Variants in PCLO observed in about 807,000 individuals in gnomAD.
The protein encoded by PCLO is protein piccolo.
A neutral mutation model predicts 427.5 loss-of-function variants in PCLO; 82 were observed. That is an observed-to-expected ratio of 0.19 (90% CI 0.16 to 0.23). The LOEUF (loss-of-function observed/expected upper bound fraction) is 0.23, where lower values mean the gene tolerates loss of function less well. Ranked by LOEUF, PCLO falls within the 10% of genes least tolerant of loss-of-function variation. The pLI is 1.00. For missense variants in PCLO, 6,239 were observed against 6,115.9 expected (o/e 1.02, Z -0.67); for synonymous variants, 2,357 against 2,155.4 (o/e 1.09, Z -2.59).
intron 10 of PCLO, among the ~76,000 whole-genome samples, chr7:82,853,541 A>G (rs1447177248): frequency 2.0e-5 from 3 of 151,738 alleles, no homozygotes; most frequent in Non-Finnish European, 4.4e-5. Context: ...ATTTTTTTAA[A>G]CCCAATAACT....
chr7:82,908,967 C>G lies in PCLO; in HGVS notation c.13347G>C (p.Arg4449Ser). ...CATGTCCATTTTCCAAACGAGACTC[C>G]CTGGGTTTATCAAACCAATCTGTTT... ...REETDWFDKP[R>S]ESRLENGHGL... The change falls in exon 8 of 25, where the codon AGG becomes AGC. Residue 4449 changes from arginine to serine, a missense_variant. Transcript: ENST00000333891. 1 of 1,612,792 alleles carries G rather than the reference C, an allele frequency of 6.2e-7. No individual in the cohort carries two copies.
intron 3 of PCLO, among the ~76,000 whole-genome samples, chr7:83,039,651 T>G (rs1464991233): frequency 1.3e-5 from 2 of 152,142 alleles, no homozygotes; most frequent in African/African-American, 4.8e-5. Flanking sequence ...AATTTTGTTC[T>G]TTGTCAAGCT....
intron 15 of PCLO, among the ~76,000 whole-genome samples, chr7:82,836,804 A>G (rs1164174343): frequency 1.3e-5 from 2 of 152,192 alleles, no homozygotes; most frequent in African/African-American, 4.8e-5. Context: ...TGATATAAAT[A>G]CTAAGCAGCA....
At chr7:83,146,209 T>C (rs1562990260) in intron 2 of PCLO, among the ~76,000 whole-genome samples, 1 of 152,180 alleles carries the variant, frequency 6.6e-6, no homozygotes, top group Non-Finnish European at 1.5e-5. Context: ...GTTGCTTCCT[T>C]ATCAAAGGTA....
chr7:82,909,701 G>T (rs1338492943), intron 7 of PCLO, among the ~76,000 whole-genome samples: 2 of 152,006 alleles, frequency 1.3e-5, no homozygotes, highest in African/African-American at 4.8e-5. Context: ...GTTTCTAAGA[G>T]AATTCTTGTG....
intron 10 of PCLO, among the ~76,000 whole-genome samples, chr7:82,873,649 G>A (rs1218049045): frequency 6.6e-6 from 1 of 152,136 alleles, no homozygotes. Context: ...GCTATTTTGA[G>A]TTGAGATTTT....
chr7:82,878,678 A>G (rs1045933112), intron 10 of PCLO, among the ~76,000 whole-genome samples: 3 of 152,176 alleles, frequency 2.0e-5, no homozygotes, highest in African/African-American at 7.2e-5. Context: ...TCATTACTTT[A>G]AAACACTTTT....
At chr7:82,962,292 A>G (rs1379034304) in intron 4 of PCLO, among the ~76,000 whole-genome samples, 5 of 152,074 alleles carry the variant, frequency 3.3e-5, no homozygotes, top group Admixed American at 1.3e-4. Flanking sequence ...CTTCTTTTGA[A>G]TTTTCTTTCT....
intron 3 of PCLO, among the ~76,000 whole-genome samples, chr7:83,090,013 C>T (rs568081682): frequency 3.3e-5 from 5 of 152,084 alleles, no homozygotes; most frequent in South Asian, 2.1e-4. Context: ...CTAATGAAGC[C>T]GTAGGTACTG....
At chr7:82,963,582 C>G (rs1326257945) in intron 4 of PCLO, among the ~76,000 whole-genome samples, 3 of 151,950 alleles carry the variant, frequency 2.0e-5, no homozygotes, top group Admixed American at 1.3e-4. Context: ...ATCCAAGCAT[C>G]AAAATAAGCT....
intron 6 of PCLO, among the ~76,000 whole-genome samples, chr7:82,927,796 C>T (rs1462728681): frequency 6.6e-6 from 1 of 152,076 alleles, no homozygotes; most frequent in Non-Finnish European, 1.5e-5. Flanking sequence ...TATATATTTT[C>T]AACATATTCA....
chr7:83,037,989 TTATATATATATATATATATATATA>T lies in PCLO; in HGVS notation c.3301-71526_3301-71503del, dbSNP rs1161030427. 6.5e-3 allele frequency among the ~76,000 whole-genome samples: 88 copies of T among 13,596 alleles called. 10 individuals are homozygous for T. Among genetic ancestry groups the T allele is most frequent in the African/African-American group, 0.022 (83 of 3,698 alleles). 8.9% of individuals were successfully genotyped at this position (13,596 alleles called of 152,430 possible). A position where few individuals can be genotyped will look rare whatever the true frequency, so the allele number is the denominator to read the frequency against. On this transcript the variant is annotated intron_variant, in intron 3 of 24. Coordinates refer to ENST00000333891, the MANE Select transcript of PCLO (RefSeq NM_033026.6). The stretch of plus-strand genomic sequence containing the variant: ...GTTGTGTGGAGGTGTAAGGAGGAGC[TTATATATATATATATATATATATA>T]TATATATATATATATATTTATATAT...
At chr7:82,945,224 C>G (rs898110813) in intron 6 of PCLO, among the ~76,000 whole-genome samples, 28 of 151,952 alleles carry the variant, frequency 1.8e-4, no homozygotes, top group African/African-American at 6.3e-4. Context: ...AGTAAGTAGG[C>G]TGCAAGATAA....
chr7:82,758,451 T>C lies in PCLO; in HGVS notation c.*124A>G, dbSNP rs1790362284. 4.4e-6 allele frequency: 3 copies of C among 687,642 alleles called. No homozygotes were observed. In the East Asian group the frequency reaches 8.1e-5, roughly 19 times the overall value. 42.6% of individuals were successfully genotyped at this position (687,642 alleles called of 1,614,324 possible). On this transcript the variant is annotated 3_prime_UTR_variant, in exon 25 of 25. Coordinates refer to ENST00000333891, the MANE Select transcript of PCLO (RefSeq NM_033026.6). ...AAATGTACAAGGTCTTAAGTATGTT[T>C]TTGCTTGTTGTTCCCACTCTTATGT...
At chr7:82,779,841 C>T (rs374942382) in intron 22 of PCLO, among the ~76,000 whole-genome samples, 44 of 148,520 alleles carry the variant, frequency 3.0e-4, no homozygotes, top group African/African-American at 1.0e-3. Flanking sequence ...TTTGTCTCAT[C>T]GTTGCAAGAT....
intron 3 of PCLO, among the ~76,000 whole-genome samples, chr7:83,014,426 G>C (rs891995179): frequency 6.6e-6 from 1 of 152,120 alleles, no homozygotes; most frequent in Non-Finnish European, 1.5e-5. Flanking sequence ...GCTGAGATAA[G>C]TAAGTCTGCC....
At chr7:83,073,279 A>G (rs73387700) in intron 3 of PCLO, among the ~76,000 whole-genome samples, 3,668 of 152,170 alleles carry the variant, frequency 0.024, 158 homozygotes, top group African/African-American at 0.084. Context: ...CATTAAAATT[A>G]TGGTTAAACT....
intron 10 of PCLO, among the ~76,000 whole-genome samples, chr7:82,868,945 A>G (rs1388987650): frequency 6.6e-6 from 1 of 152,134 alleles, no homozygotes; most frequent in Non-Finnish European, 1.5e-5. Context: ...GGTTCATTGG[A>G]TATATGATAT....
In PCLO at chr7:82,956,877, C is replaced by A. The variant is rs772355292; in HGVS notation, c.4076G>T (p.Gly1359Val). ...GGAAGAATATCCCGTGTCGCTCAGA[C>A]CTTGGGGGCTTTTAGGCTGCTGAGA... ...SSSQQPKSPQ[G>V]LSDTGYSSDG... Residue 1359 changes from glycine (G) to valine (V), a missense_variant, in exon 5 of 25, where the codon GGT (glycine) becomes GTT (valine). Transcript: ENST00000333891. 6.2e-7 allele frequency: 1 copy of A among 1,613,342 alleles called. No individual in the cohort carries two copies. The highest frequency in any genetic ancestry group is 1.3e-5 in the African/African-American group (1 of 74,874).
Sources: allele counts gnomAD v4.1 joint callset (sites outside exome capture counted in the v4.1 genomes callset), GRCh38; gene constraint gnomAD v4.1.1; transcripts MANE v1.5; gene names NCBI Gene and HGNC (gene_info 2026-07-23, HGNC 2026-07-21).